The following CHLSN variants were observed in gnomAD, a reference collection of about 807,000 sequenced individuals.
CHLSN encodes protein cholesin.
At chr7:985,290 G>T in the CHLSN span, 5 of 1,551,510 alleles carry the variant, frequency 3.2e-6, no homozygotes, top group Non-Finnish European at 4.4e-6. Flanking sequence ...TCATCGATGA[G>T]GTCATGGTCC....
chr7:1,114,901 G>C, the CHLSN span, among the ~76,000 whole-genome samples: 51 of 152,354 alleles, frequency 3.3e-4, no homozygotes, highest in African/African-American at 1.1e-3. Context: ...CAGGGTTGCA[G>C]GGTTGGACGT....
the CHLSN span, among the ~76,000 whole-genome samples, chr7:1,027,866 G>C: frequency 6.6e-6 from 1 of 152,204 alleles, no homozygotes; most frequent in Non-Finnish European, 1.5e-5. Context: ...TGTCTCCCCC[G>C]GGGGCTGCTG....
At chr7:1,007,519 G>A in the CHLSN span, among the ~76,000 whole-genome samples, 1 of 152,186 alleles carries the variant, frequency 6.6e-6, no homozygotes, top group African/African-American at 2.4e-5. Flanking sequence ...ATCCACGTGG[G>A]CTCTGATCTG....
At chr7:1,065,143 C>T in the CHLSN span, among the ~76,000 whole-genome samples, 10,248 of 152,224 alleles carry the variant, frequency 0.067, 394 homozygotes, top group Admixed American at 0.11. Context: ...CCCTTGGGGC[C>T]CCTCTCCAGA....
chr7:1,070,940 TGCACACAC>T, the CHLSN span, among the ~76,000 whole-genome samples: 2 of 125,936 alleles, frequency 1.6e-5, no homozygotes, highest in African/African-American at 5.8e-5. Context: ...CACGCACACA[TGCACACAC>T]ACACAGCACA....
At chr7:994,803 G>A in the CHLSN span, among the ~76,000 whole-genome samples, 1 of 152,234 alleles carries the variant, frequency 6.6e-6, no homozygotes, top group African/African-American at 2.4e-5. Flanking sequence ...TACTGCAGGG[G>A]ACATTTCTCC....
At chr7:979,487 C>G in the CHLSN span, among the ~76,000 whole-genome samples, 1 of 152,068 alleles carries the variant, frequency 6.6e-6, no homozygotes, top group East Asian at 1.9e-4. Context: ...TGTGGTGGCT[C>G]ACACCTATAA....
chr7:1,129,185 G>A, the CHLSN span, among the ~76,000 whole-genome samples: 10 of 9,142 alleles, frequency 1.1e-3, no homozygotes, highest in African/African-American at 0.011. Flanking sequence ...GCAGTGGCGC[G>A]ATCTCGGCTC....
the CHLSN span, among the ~76,000 whole-genome samples, chr7:1,068,679 C>G: frequency 1.3e-5 from 2 of 152,102 alleles, no homozygotes; most frequent in African/African-American, 4.8e-5. Flanking sequence ...TCACCTGACC[C>G]AAAAACTTTT....
At chr7:987,076 A>G in the CHLSN span, 1 of 1,479,606 alleles carries the variant, frequency 6.8e-7, no homozygotes, top group South Asian at 1.4e-5. Context: ...ACCCCAGATC[A>G]TCCCACGAGC....
chr7:1,016,342 GCAGCGCACGC>G, the CHLSN span, among the ~76,000 whole-genome samples: 8 of 52,312 alleles, frequency 1.5e-4, 1 homozygote, highest in East Asian at 2.8e-3. Flanking sequence ...GCAGCACACA[GCAGCGCACGC>G]CAGCGCACAG....
At chr7:985,305 G>A in the CHLSN span, 3 of 1,551,096 alleles carry the variant, frequency 1.9e-6, no homozygotes, top group Admixed American at 5.9e-5. Context: ...TGGTCCTCTT[G>A]GGGTCCCCTG....
the CHLSN span, among the ~76,000 whole-genome samples, chr7:1,067,899 T>G: frequency 6.8e-6 from 1 of 146,280 alleles, no homozygotes. Context: ...CAGGCTGGAG[T>G]GCACCCCAGA....
chr7:994,568 C>T, the CHLSN span, among the ~76,000 whole-genome samples: 3 of 152,016 alleles, frequency 2.0e-5, no homozygotes, highest in South Asian at 2.1e-4. Context: ...CTCAGCCTCC[C>T]GAGTAGCTGT....
the CHLSN span, among the ~76,000 whole-genome samples, chr7:1,070,545 GAC>G: frequency 5.8e-3 from 830 of 143,812 alleles, 3 homozygotes; most frequent in Non-Finnish European, 9.0e-3. Context: ...CGTGCACAGG[GAC>G]ACACGCACAC....
the CHLSN span, among the ~76,000 whole-genome samples, chr7:1,014,339 G>C: frequency 3.3e-5 from 5 of 152,342 alleles, no homozygotes; most frequent in Admixed American, 2.0e-4. Flanking sequence ...CTCCTGGCAA[G>C]AGACACAGAG....
At chr7:1,009,837 C>T in the CHLSN span, 7 of 950,744 alleles carry the variant, frequency 7.4e-6, no homozygotes, top group South Asian at 5.3e-5. Context: ...AACGCTCATA[C>T]CTCACTGCTC....
chr7:982,150 C>G, the CHLSN span, among the ~76,000 whole-genome samples: 4 of 152,230 alleles, frequency 2.6e-5, no homozygotes, highest in South Asian at 2.1e-4. Flanking sequence ...ACTCCCTCCC[C>G]GCCGCAGCCG....
At chr7:1,016,221 A>ACGCCAGCACACAGCAGCG in the CHLSN span, among the ~76,000 whole-genome samples, 8 of 38,302 alleles carry the variant, frequency 2.1e-4, 2 homozygotes, top group Non-Finnish European at 3.8e-4. Context: ...ACACAGCAGC[A>ACGCCAGCACACAGCAGCG]CACGCCAGCA....
Sources: gnomAD v4.1 joint callset for allele counts (sites outside exome capture counted in the v4.1 genomes callset) on GRCh38, gnomAD v4.1.1 for gene constraint, MANE v1.5 for transcripts, NCBI Gene and HGNC (gene_info 2026-07-23, HGNC 2026-07-21) for gene names.